The following ANO1 variants were observed in gnomAD, a reference collection of about 807,000 sequenced individuals.
ANO1 encodes anoctamin-1.
ANO1 carries 59 observed loss-of-function variants against 124.0 expected under a neutral mutation model. That is an observed-to-expected ratio of 0.48 (90% confidence interval 0.39 to 0.59). The LOEUF (loss-of-function observed/expected upper bound fraction) is 0.59. ANO1 is among the 20% of genes least tolerant of loss of function. The pLI is 0.00. For synonymous variants in ANO1, 529 were observed against 532.0 expected (o/e 0.99, Z 0.08); for missense variants, 1,059 against 1,328.0 (o/e 0.80, Z 3.15).
chr11:70,049,686 ATGTTTTTT>A (rs1203011885), intron 1 of ANO1, among the ~76,000 whole-genome samples: 34 of 133,678 alleles, frequency 2.5e-4, no homozygotes, highest in African/African-American at 9.2e-4. Flanking sequence ...CATGCGGTCT[ATGTTTTTT>A]TGTTTGTTTG....
intron 1 of ANO1, among the ~76,000 whole-genome samples, chr11:70,002,649 T>C (rs1856407832): frequency 6.6e-6 from 1 of 152,146 alleles, no homozygotes. Flanking sequence ...TGAAAACACC[T>C]AATGACACAT....
chr11:69,983,514 G>A (rs539620547), upstream of ANO1, among the ~76,000 whole-genome samples: 15 of 152,284 alleles, frequency 9.9e-5, no homozygotes, highest in South Asian at 4.1e-4. Flanking sequence ...CCAGGGTGTC[G>A]GGGAGGCCCT....
At chr11:70,161,084 C>A in intron 16 of ANO1, 77 bp from the exon 17 acceptor site, 1 of 1,347,768 alleles carries the variant, frequency 7.4e-7, no homozygotes. Context: ...GACAGCTGGA[C>A]TGAGGGAGCA....
At chr11:70,135,361 G>A (rs1409263140) in intron 11 of ANO1, among the ~76,000 whole-genome samples, 1 of 152,330 alleles carries the variant, frequency 6.6e-6, no homozygotes, top group East Asian at 1.9e-4. Flanking sequence ...TTAAGGAGAC[G>A]CTGGCGGGCT....
In ANO1 at chr11:70,105,804, G is replaced by T. The variant is rs141178802; in HGVS notation, c.747+16G>T. 1.9e-6 allele frequency: 3 copies of T among 1,611,698 alleles called. No homozygotes were observed. The highest frequency in any genetic ancestry group is 2.5e-6 in the Non-Finnish European group (3 of 1,178,392). ...GAGCACGATTGTAAGTATCGCACGC[G>T]CCTGGAAACGGCTCACTGGCAAGAT... On this transcript the variant is annotated intron_variant, in intron 5 of 25. Coordinates refer to ENST00000355303, the MANE Select transcript of ANO1 (RefSeq NM_018043.7).
intron 1 of ANO1, among the ~76,000 whole-genome samples, chr11:69,990,277 T>C (rs1554997288): frequency 1.3e-5 from 2 of 152,220 alleles, no homozygotes; most frequent in Non-Finnish European, 2.9e-5. Context: ...GTCTGGCTTC[T>C]TTCACTTGGT....
intron 1 of ANO1, among the ~76,000 whole-genome samples, chr11:70,030,276 C>T (rs782088846): frequency 6.6e-6 from 1 of 152,226 alleles, no homozygotes; most frequent in African/African-American, 2.4e-5. Context: ...CCAGCCAGGG[C>T]TGCTGATGTG....
chr11:70,135,376 C>T (rs1425256145), intron 11 of ANO1, among the ~76,000 whole-genome samples: 2 of 152,138 alleles, frequency 1.3e-5, no homozygotes, highest in African/African-American at 4.8e-5. Flanking sequence ...CGGGCTTGGC[C>T]GAGCTGGTCT....
At chr11:70,075,883 G>A (rs1279299191), upstream of ANO1, among the ~76,000 whole-genome samples, 1 of 152,216 alleles carries the variant, frequency 6.6e-6, no homozygotes, top group Non-Finnish European at 1.5e-5. Flanking sequence ...TGGCTTGGGA[G>A]ATATCTCCAG....
intron 1 of ANO1, chr11:70,065,511 G>A (rs1392460120): frequency 6.5e-6 from 1 of 153,198 alleles, no homozygotes; most frequent in Non-Finnish European, 1.5e-5. Flanking sequence ...GAGGATCCCA[G>A]TGCCCTCCTG....
intron 8 of ANO1, among the ~76,000 whole-genome samples, chr11:70,120,199 T>A (rs986885489): frequency 1.3e-5 from 2 of 151,120 alleles, no homozygotes; most frequent in Non-Finnish European, 3.0e-5. Flanking sequence ...CAGAAGAGAG[T>A]GTAGGGAAGT....
At chr11:70,078,074 C>G (rs1242494095), upstream of ANO1, among the ~76,000 whole-genome samples, 3 of 152,114 alleles carry the variant, frequency 2.0e-5, no homozygotes, top group Admixed American at 6.5e-5. Flanking sequence ...GCCTGCCACT[C>G]GGGGACTTTA....
chr11:70,005,602 C>A (rs139369714), intron 1 of ANO1, among the ~76,000 whole-genome samples: 1 of 152,218 alleles, frequency 6.6e-6, no homozygotes, highest in African/African-American at 2.4e-5. Flanking sequence ...CGATGAATAG[C>A]AAAATGAGGT....
chr11:70,165,017 T>C (rs1490292094), intron 19 of ANO1, among the ~76,000 whole-genome samples: 1 of 152,158 alleles, frequency 6.6e-6, no homozygotes, highest in African/African-American at 2.4e-5. Context: ...GATGGGGGTC[T>C]CACAGTTCTG....
intron 1 of ANO1, among the ~76,000 whole-genome samples, chr11:69,993,308 G>A (rs148617184): frequency 5.5e-4 from 84 of 152,292 alleles, no homozygotes; most frequent in African/African-American, 1.9e-3. Context: ...ATTTTTTAAT[G>A]CATTTACATG....
Position 70,185,704 on chromosome 11 carries a change from G to T in ANO1, c.2694+9G>T, listed in dbSNP as rs757655582. On this transcript the variant is annotated intron_variant, in intron 25 of 25. Transcript: ENST00000355303. ...TTGTCATCGTCTTCCAGGTGCGGTG[G>T]GTCCCTCTTTGTTTCCGGTTTGAAG... The T allele has an allele frequency of 2.5e-6, 4 of 1,613,168 alleles. No homozygotes were observed. Among genetic ancestry groups the T allele is most frequent in the African/African-American group, 2.7e-5 (2 of 74,920 alleles).
At chr11:69,986,522 C>G (rs1856045416) in intron 1 of ANO1, among the ~76,000 whole-genome samples, 1 of 152,122 alleles carries the variant, frequency 6.6e-6, no homozygotes, top group Non-Finnish European at 1.5e-5. Flanking sequence ...CCCGGGGGAG[C>G]GTCTTGCAGC....
At chr11:70,157,046 G>A (rs1384698554) in intron 16 of ANO1, 25 bp downstream of exon 16, 1 of 1,603,964 alleles carries the variant, frequency 6.2e-7, no homozygotes, top group South Asian at 1.1e-5. Context: ...GTTAAGGCCA[G>A]ACGAAGTCAG....
intron 10 of ANO1, among the ~76,000 whole-genome samples, chr11:70,131,698 G>C (rs960632711): frequency 1.3e-5 from 2 of 152,230 alleles, no homozygotes; most frequent in Non-Finnish European, 2.9e-5. Flanking sequence ...CTCAGGGCTG[G>C]TGCAACAGCA....
Sources: gnomAD v4.1 joint callset for allele counts (sites outside exome capture counted in the v4.1 genomes callset) on GRCh38, gnomAD v4.1.1 for gene constraint, MANE v1.5 for transcripts, NCBI Gene and HGNC (gene_info 2026-07-23, HGNC 2026-07-21) for gene names.